The following ARHGAP20 variants were observed in gnomAD, a reference collection of about 807,000 sequenced individuals.
The protein encoded by ARHGAP20 is rho GTPase-activating protein 20.
ARHGAP20 carries 34 observed loss-of-function variants against 73.7 expected under a neutral mutation model. That is an observed-to-expected ratio of 0.46 (90% confidence interval 0.35 to 0.61). ARHGAP20 has a LOEUF of 0.61. Ranked by LOEUF, ARHGAP20 falls within the 20% of genes least tolerant of loss-of-function variation. ARHGAP20 has a pLI of 0.00. For synonymous variants in ARHGAP20, 523 were observed against 518.2 expected (o/e 1.01, Z -0.13); for missense variants, 1,314 against 1,420.9 (o/e 0.92, Z 1.21).
At position 110,589,434 on chromosome 11, in the gene ARHGAP20, C is replaced by A. The variant is rs940730103; in HGVS notation, c.1305+1214G>T. 2.4e-5 allele frequency: 24 copies of A among 985,424 alleles called. No individual in the cohort carries two copies. The African/African-American group carries it at 3.8e-4, about 16-fold the overall frequency. 61.0% of individuals were successfully genotyped at this position (985,424 alleles called of 1,614,324 possible). ...ATTCTGTAAGCACCTGGGCACTCAG[C>A]TGGAGTAGGGGTATGCAAGAATCTT... is the stretch of plus-strand genomic sequence containing the variant. On this transcript the variant is annotated intron_variant, in intron 11 of 14. Transcript: ENST00000683387.
upstream of ARHGAP20, chr11:110,712,732 C>G (rs1457110328): frequency 1.3e-5 from 2 of 152,544 alleles, no homozygotes; most frequent in East Asian, 1.9e-4. Flanking sequence ...GCGCCTCTCC[C>G]GCCACCTGCC....
chr11:110,599,328 C>T (rs1948052694), intron 9 of ARHGAP20, among the ~76,000 whole-genome samples: 2 of 152,346 alleles, frequency 1.3e-5, no homozygotes, highest in African/African-American at 4.8e-5. Context: ...AGTGCTGTTG[C>T]AGCCCAACCA....
At chr11:110,626,963 A>G (rs1014249119) in intron 3 of ARHGAP20, among the ~76,000 whole-genome samples, 2 of 152,194 alleles carry the variant, frequency 1.3e-5, no homozygotes, top group Non-Finnish European at 2.9e-5. Flanking sequence ...AGACTATAGA[A>G]ATTTAAAAAT....
intron 2 of ARHGAP20, among the ~76,000 whole-genome samples, chr11:110,678,743 C>T (rs1227579355): frequency 6.6e-6 from 1 of 152,150 alleles, no homozygotes; most frequent in Non-Finnish European, 1.5e-5. Flanking sequence ...CTCACTGCGC[C>T]TCAACCTCCT....
At chr11:110,607,558 C>T (rs888902102) in intron 8 of ARHGAP20, among the ~76,000 whole-genome samples, 2 of 152,124 alleles carry the variant, frequency 1.3e-5, no homozygotes, top group Non-Finnish European at 2.9e-5. Flanking sequence ...CCCTTCTATT[C>T]CTGACTTATC....
Position 110,580,380 on chromosome 11 carries a change from T to C in ARHGAP20, c.2566A>G (p.Lys856Glu). Residue 856 changes from lysine (K) to glutamate (E), a missense_variant, in exon 15 of 15, where the codon AAG becomes GAG. Around this residue, in one of 3 missense-constraint regions of ARHGAP20, gnomAD observed 641 missense variants for 636.9 expected, o/e 1.01. Transcript: ENST00000683387. ...TAAATTCCCCTGAGATAGGTCAGCTTGCGGTTCTGGTCTTCTATGTTGGGC... is the reference window on the plus strand; with the variant it reads ...TAAATTCCCCTGAGATAGGTCAGCTCGCGGTTCTGGTCTTCTATGTTGGGC... ...SEPNIEDQNR[K>E]LTYLRGIYSK... The C allele has an allele frequency of 1.2e-6, 2 of 1,614,250 alleles. No homozygotes were observed. Among genetic ancestry groups the C allele is most frequent in the Non-Finnish European group, 1.7e-6 (2 of 1,180,048 alleles).
At chr11:110,588,541 GAAGAA>G (rs569307349) in intron 11 of ARHGAP20, among the ~76,000 whole-genome samples, 12 of 152,096 alleles carry the variant, frequency 7.9e-5, no homozygotes, top group Non-Finnish European at 1.5e-4. Context: ...CAACCACTTG[GAAGAA>G]AAGGGGGTAA....
intron 2 of ARHGAP20, among the ~76,000 whole-genome samples, chr11:110,671,945 C>A (rs1223816295): frequency 6.6e-6 from 1 of 151,994 alleles, no homozygotes; most frequent in Non-Finnish European, 1.5e-5. Flanking sequence ...TCTTTGATTG[C>A]AAAGAAATTG....
intron 9 of ARHGAP20, among the ~76,000 whole-genome samples, chr11:110,595,006 T>G (rs1170841090): frequency 1.3e-5 from 2 of 151,266 alleles, no homozygotes; most frequent in Non-Finnish European, 1.5e-5. Context: ...AATCAATAAA[T>G]GTAATCCAGC....
Position 110,699,457 on chromosome 11 carries a change from T to C in ARHGAP20, c.106-8828A>G, listed in dbSNP as rs190256261. 1.9e-3 allele frequency among the ~76,000 whole-genome samples: 296 copies of C among 152,106 alleles called. 4 individuals are homozygous for C. The highest frequency in any genetic ancestry group is 6.8e-3 in the African/African-American group (282 of 41,548). On this transcript the variant is annotated intron_variant, in intron 1 of 14. Transcript: ENST00000683387. ...TCAGTTTAAGTCCAGAGTTTCTTTGTTGATTTTCTGCCTTGATGATCTGTC... is the reference window on the plus strand; with the variant it reads ...TCAGTTTAAGTCCAGAGTTTCTTTGCTGATTTTCTGCCTTGATGATCTGTC...
At chr11:110,644,336 C>T (rs749378285) in intron 2 of ARHGAP20, among the ~76,000 whole-genome samples, 4 of 151,962 alleles carry the variant, frequency 2.6e-5, no homozygotes, top group South Asian at 2.1e-4. Flanking sequence ...AAAAAAGACA[C>T]GAAATAGTCA....
chr11:110,675,461 G>T (rs1018015233), intron 2 of ARHGAP20, among the ~76,000 whole-genome samples: 10 of 152,168 alleles, frequency 6.6e-5, no homozygotes, highest in African/African-American at 9.7e-5. Flanking sequence ...GACCAGTTTT[G>T]TGGGAGACAT....
At chr11:110,647,038 T>TGA (rs1361423480) in intron 2 of ARHGAP20, among the ~76,000 whole-genome samples, 7 of 151,954 alleles carry the variant, frequency 4.6e-5, no homozygotes, top group African/African-American at 1.7e-4. Context: ...TGCAGTAACT[T>TGA]GAGAGAGAGA....
chr11:110,622,859 C>G (rs1405816044), intron 4 of ARHGAP20, among the ~76,000 whole-genome samples: 2 of 152,060 alleles, frequency 1.3e-5, no homozygotes, highest in Non-Finnish European at 2.9e-5. Context: ...GTGATATTAA[C>G]CTTGATCATT....
chr11:110,686,680 A>G (rs1950138510), intron 2 of ARHGAP20, among the ~76,000 whole-genome samples: 1 of 152,128 alleles, frequency 6.6e-6, no homozygotes, highest in South Asian at 2.1e-4. Flanking sequence ...TTAAAAATCT[A>G]TAAAGATGAT....
At chr11:110,683,864 T>C (rs1950081983) in intron 2 of ARHGAP20, among the ~76,000 whole-genome samples, 1 of 152,162 alleles carries the variant, frequency 6.6e-6, no homozygotes, top group Admixed American at 6.6e-5. Flanking sequence ...ATTACCAGTG[T>C]GATAATATTA....
chr11:110,637,861 G>T (rs1949001255), intron 2 of ARHGAP20, among the ~76,000 whole-genome samples: 1 of 152,052 alleles, frequency 6.6e-6, no homozygotes, highest in Admixed American at 6.6e-5. Flanking sequence ...AAGGCTGAAG[G>T]GCACTTTAAG....
intron 2 of ARHGAP20, among the ~76,000 whole-genome samples, chr11:110,641,730 A>G (rs940989747): frequency 6.6e-6 from 1 of 152,206 alleles, no homozygotes; most frequent in African/African-American, 2.4e-5. Context: ...AACAAAAACA[A>G]CACAAAACCT....
At chr11:110,707,973 G>GA (rs796878461) in intron 1 of ARHGAP20, among the ~76,000 whole-genome samples, 538 of 144,386 alleles carry the variant, frequency 3.7e-3, no homozygotes, top group African/African-American at 0.012. Flanking sequence ...GAAGCTTACA[G>GA]AAAAAAAAAA....
Sources: gnomAD v4.1 joint callset for allele counts (sites outside exome capture counted in the v4.1 genomes callset) on GRCh38, gnomAD v4.1.1 for gene constraint, gnomAD v4.1.1 regional missense constraint, MANE v1.5 for transcripts, NCBI Gene and HGNC (gene_info 2026-07-23, HGNC 2026-07-21) for gene names.